FLT3: variants seen among roughly 807,000 people sequenced by gnomAD.
The protein encoded by FLT3 is receptor-type tyrosine-protein kinase FLT3.
FLT3 carries 46 observed loss-of-function variants against 126.6 expected under a neutral mutation model. The observed-to-expected ratio is 0.36, with a 90% CI of 0.29 to 0.46. The LOEUF is 0.46. FLT3 is among the 20% of genes least tolerant of loss of function. The probability of loss-of-function intolerance (pLI) is 1.00; values close to 1 mark genes in which losing one functional copy is unlikely to be tolerated. For missense variants in FLT3, 1,069 were observed against 1,190.3 expected (o/e 0.90, Z 1.50); for synonymous variants, 404 against 434.4 (o/e 0.93, Z 0.87).
intron 17 of FLT3, among the ~76,000 whole-genome samples, chr13:28,026,844 A>G (rs1348805665): frequency 6.6e-6 from 1 of 152,208 alleles, no homozygotes; most frequent in Non-Finnish European, 1.5e-5. Context: ...ATAGGCGTCT[A>G]TGGTGTGATG....
chr13:28,015,129 A>ATGATTT, intron 22 of FLT3, 28 bp downstream of exon 22: 2 of 1,417,280 alleles, frequency 1.4e-6, no homozygotes, highest in Non-Finnish European at 2.0e-6. Flanking sequence ...TCTGATTTCA[A>ATGATTT]CCAAATTACA....
At chr13:28,047,728 A>G (rs1875024643) in intron 9 of FLT3, among the ~76,000 whole-genome samples, 3 of 146,456 alleles carry the variant, frequency 2.0e-5, no homozygotes, top group Non-Finnish European at 3.0e-5. Flanking sequence ...AAAAAAAAAA[A>G]GAAAAAGAAA....
chr13:28,091,443 G>A (rs1354202114), intron 1 of FLT3, among the ~76,000 whole-genome samples: 18 of 150,080 alleles, frequency 1.2e-4, no homozygotes, highest in South Asian at 4.2e-4. Context: ...GGATGGTCTC[G>A]ATCTCCTGAC....
chr13:28,009,218 A>G (rs1350337688), intron 23 of FLT3: 1 of 152,026 alleles, frequency 6.6e-6, no homozygotes, highest in Non-Finnish European at 1.5e-5. Context: ...TATGTTTTCT[A>G]TGGTCATTTT....
chr13:28,092,065 G>A lies in FLT3; in HGVS notation c.43+8403C>T, dbSNP rs192516831. Among the ~76,000 whole-genome samples, 49 of 152,184 alleles carry A rather than the reference G, an allele frequency of 3.2e-4. 1 individual carries two copies. The highest frequency in any genetic ancestry group is 1.0e-3 in the South Asian group (5 of 4,806). ...AGCCTGGGTGATGGAGCGAGACTCCGTCTCAAAAAATAAAAATAAAATAAA... is the reference window on the plus strand; with the variant it reads ...AGCCTGGGTGATGGAGCGAGACTCCATCTCAAAAAATAAAAATAAAATAAA... On this transcript the variant is annotated intron_variant, in intron 1 of 23. Coordinates refer to ENST00000241453, the MANE Select transcript of FLT3 (RefSeq NM_004119.3).
intron 1 of FLT3, among the ~76,000 whole-genome samples, chr13:28,079,535 C>T (rs192265795): frequency 1.3e-5 from 2 of 152,238 alleles, no homozygotes; most frequent in African/African-American, 4.8e-5. Flanking sequence ...TGTTTTCATG[C>T]TGCTGATAAA....
intron 9 of FLT3, among the ~76,000 whole-genome samples, chr13:28,044,764 T>C (rs559082553): frequency 6.6e-6 from 1 of 152,282 alleles, no homozygotes; most frequent in Non-Finnish European, 1.5e-5. Flanking sequence ...CAAATAACAA[T>C]AAACACTGAG....
At chr13:28,042,273 A>G (rs1874464614) in intron 9 of FLT3, among the ~76,000 whole-genome samples, 1 of 151,666 alleles carries the variant, frequency 6.6e-6, no homozygotes. Context: ...AAATTTCTGA[A>G]AAGTGGAATA....
chr13:28,076,472 A>G (rs948399100), intron 1 of FLT3, among the ~76,000 whole-genome samples: 5 of 152,180 alleles, frequency 3.3e-5, no homozygotes, highest in African/African-American at 1.2e-4. Context: ...CAAGACCAAA[A>G]GCCTCAAAAC....
At chr13:28,042,945 TG>T (rs1874519222) in intron 9 of FLT3, among the ~76,000 whole-genome samples, 1 of 151,620 alleles carries the variant, frequency 6.6e-6, no homozygotes, top group Admixed American at 6.6e-5. Flanking sequence ...ACTCATTGTA[TG>T]TGACAGCCTG....
chr13:28,003,600 T>G lies in FLT3; in HGVS notation c.*452A>C, dbSNP rs1593199835. On this transcript the variant is annotated 3_prime_UTR_variant, in exon 24 of 24. Coordinates refer to ENST00000241453, the MANE Select transcript of FLT3 (RefSeq NM_004119.3). The stretch of plus-strand genomic sequence containing the variant: ...GCCCTAATTATACCATGTAAATAAT[T>G]CAATAATGGGCAATTCTGTAGTAGA... 1.2e-5 allele frequency: 3 copies of G among 245,960 alleles called. No homozygotes were observed. In the East Asian group the frequency reaches 1.7e-4, roughly 14 times the overall value. The allele number at this position is 245,960 out of a possible 1,614,324, so 15.2% of individuals were successfully genotyped here. A position where few individuals can be genotyped will look rare whatever the true frequency, so the allele number is the denominator to read the frequency against.
chr13:28,029,907 A>C (rs767719226), intron 15 of FLT3, among the ~76,000 whole-genome samples: 29 of 152,232 alleles, frequency 1.9e-4, no homozygotes, highest in Admixed American at 1.3e-4. Flanking sequence ...GAAAGTCACT[A>C]TGGAATCCAA....
At chr13:28,071,316 A>T (rs1283478141) in intron 1 of FLT3, among the ~76,000 whole-genome samples, 11 of 151,368 alleles carry the variant, frequency 7.3e-5, no homozygotes, top group Non-Finnish European at 1.6e-4. Flanking sequence ...GGCCTGGTAT[A>T]TTCTTTTTTT....
At chr13:28,041,969 A>ATG (rs1874419538) in intron 9 of FLT3, among the ~76,000 whole-genome samples, 1 of 152,056 alleles carries the variant, frequency 6.6e-6, no homozygotes, top group African/African-American at 2.4e-5. Context: ...CCTGGCCAAC[A>ATG]TGGTGAAACT....
chr13:28,020,997 T>C (rs539124320), intron 19 of FLT3, among the ~76,000 whole-genome samples: 8 of 152,264 alleles, frequency 5.3e-5, no homozygotes, highest in African/African-American at 1.9e-4. Flanking sequence ...GGGGAAGCAG[T>C]GCCCCTTGAC....
intron 1 of FLT3, among the ~76,000 whole-genome samples, chr13:28,072,830 C>G (rs543708264): frequency 6.6e-6 from 1 of 151,912 alleles, no homozygotes; most frequent in East Asian, 1.9e-4. Context: ...GGTGAAACCC[C>G]GTCTCTACCT....
rs1187815355 is a variant in FLT3 at position 28,034,220 on chromosome 13, G to A, written c.1705-6C>T. On this transcript the variant is annotated splice_region_variant and splice_polypyrimidine_tract_variant and intron_variant, in intron 13 of 23. Coordinates refer to ENST00000241453, the MANE Select transcript of FLT3 (RefSeq NM_004119.3). Reference sequence around the variant, plus strand: ...TGGCTTTCATACCTAAATTGCTTCAGAGATGAAATGATGAGTCAGTTAGGA... The same window carrying A: ...TGGCTTTCATACCTAAATTGCTTCAAAGATGAAATGATGAGTCAGTTAGGA... The A allele has an allele frequency of 8.7e-6, 14 of 1,613,864 alleles. No homozygotes were observed. The highest frequency in any genetic ancestry group is 1.2e-5 in the Non-Finnish European group (14 of 1,179,952).
intron 9 of FLT3, among the ~76,000 whole-genome samples, 189 bp from the exon 10 acceptor site, chr13:28,037,477 A>G (rs1479650052): frequency 6.6e-6 from 1 of 152,226 alleles, no homozygotes; most frequent in Non-Finnish European, 1.5e-5. Flanking sequence ...CAGCATCAAC[A>G]TCGCCATTGG....
intron 9 of FLT3, among the ~76,000 whole-genome samples, chr13:28,040,862 C>T (rs1191270128): frequency 8.1e-5 from 12 of 148,312 alleles, no homozygotes; most frequent in African/African-American, 3.0e-4. Flanking sequence ...TAGCTGGGTG[C>T]GATGGCACAC....
Sources: gnomAD v4.1 joint callset for allele counts (sites outside exome capture counted in the v4.1 genomes callset) on GRCh38, gnomAD v4.1.1 for gene constraint, MANE v1.5 for transcripts, NCBI Gene and HGNC (gene_info 2026-07-23, HGNC 2026-07-21) for gene names.